Variants in ATE1 observed in about 807,000 individuals in gnomAD.
ATE1 encodes the protein arginyltransferase 1.
ATE1 carries 36 observed loss-of-function variants against 70.5 expected under a neutral mutation model. The observed-to-expected ratio is 0.51, with a 90% CI of 0.39 to 0.67. The LOEUF (loss-of-function observed/expected upper bound fraction) is 0.67. Ranked by LOEUF, ATE1 falls within the 30% of genes least tolerant of loss-of-function variation. ATE1 has a pLI of 0.00. For missense variants in ATE1, 593 were observed against 629.5 expected (o/e 0.94, Z 0.62); for synonymous variants, 232 against 219.3 (o/e 1.06, Z -0.51).
At chr10:121,853,993 G>T (rs1487694356) in intron 8 of ATE1, among the ~76,000 whole-genome samples, 1 of 152,074 alleles carries the variant, frequency 6.6e-6, no homozygotes, top group Admixed American at 6.6e-5. Flanking sequence ...TTTCCAAAAG[G>T]CCTCACCTCT....
At chr10:121,915,008 C>G (rs1951588593) in intron 3 of ATE1, among the ~76,000 whole-genome samples, 1 of 152,190 alleles carries the variant, frequency 6.6e-6, no homozygotes. Context: ...CCAAACCCAT[C>G]AGGTACACGG....
intron 7 of ATE1, among the ~76,000 whole-genome samples, chr10:121,886,569 C>A (rs973250275): frequency 6.6e-6 from 1 of 152,172 alleles, no homozygotes; most frequent in Non-Finnish European, 1.5e-5. Flanking sequence ...GCCACCTGAA[C>A]TGAAATCACT....
In ATE1 at chr10:121,902,586, T is replaced by C; in HGVS notation, c.618A>G (p.Arg206=). The C allele has an allele frequency of 1.2e-6, 2 of 1,613,520 alleles. No homozygotes were observed. Among genetic ancestry groups the C allele is most frequent in the Non-Finnish European group, 1.7e-6 (2 of 1,179,626 alleles). ...KGADLSKPPC[R]KAKEIRKERK... Reference sequence around the variant, plus strand: ...TTTCTTTCCGGATTTCCTTTGCTTTTCGACATGGAGGCTTACTCAAATCAG... The same window carrying C: ...TTTCTTTCCGGATTTCCTTTGCTTTCCGACATGGAGGCTTACTCAAATCAG... The change falls in exon 6 of 12, where the codon CGA becomes CGG. Residue 206 remains arginine (R), a synonymous_variant. Coordinates refer to ENST00000224652, the MANE Select transcript of ATE1 (RefSeq NM_001001976.3).
At chr10:121,830,697 A>C (rs1391221520) in intron 10 of ATE1, among the ~76,000 whole-genome samples, 1 of 152,212 alleles carries the variant, frequency 6.6e-6, no homozygotes, top group Non-Finnish European at 1.5e-5. Context: ...TAAAGTATTA[A>C]AATCAATATG....
chr10:121,913,786 T>C lies in ATE1; in HGVS notation c.337+4A>G. On this transcript the variant is annotated splice_donor_region_variant and intron_variant, in intron 4 of 11. Transcript: ENST00000224652. ...AAATCGTTTTTAGACCCAGCCCATC[T>C]TACCCTCACAACTTCCTTTGGGAAC... 1.2e-6 allele frequency: 2 copies of C among 1,603,070 alleles called. No homozygotes were observed. The highest frequency in any genetic ancestry group is 1.7e-6 in the Non-Finnish European group (2 of 1,171,120).
chr10:121,828,194 C>T (rs939801263), intron 10 of ATE1, among the ~76,000 whole-genome samples: 3 of 152,198 alleles, frequency 2.0e-5, no homozygotes, highest in African/African-American at 7.2e-5. Context: ...TTACATTACA[C>T]CATCAGAAAC....
intron 11 of ATE1, among the ~76,000 whole-genome samples, chr10:121,783,880 G>GA (rs200393185): frequency 6.6e-5 from 10 of 150,636 alleles, no homozygotes; most frequent in East Asian, 3.9e-4. Context: ...TTGTTTGGGG[G>GA]AAAATTTTTT....
intron 11 of ATE1, among the ~76,000 whole-genome samples, chr10:121,786,485 G>A (rs532184330): frequency 2.0e-5 from 3 of 152,010 alleles, no homozygotes; most frequent in South Asian, 2.1e-4. Context: ...CCTACGCAAC[G>A]TAGCAAAACT....
chr10:121,832,103 G>GTA, intron 10 of ATE1, among the ~76,000 whole-genome samples: 3 of 152,084 alleles, frequency 2.0e-5, no homozygotes, highest in Admixed American at 6.6e-5. Context: ...CTCAGTTTGT[G>GTA]GGATAAGTAG....
chr10:121,926,070 G>A lies in ATE1; in HGVS notation c.107-1741C>T, dbSNP rs112763565. Among the ~76,000 whole-genome samples, 798 of 152,018 alleles carry A rather than the reference G, an allele frequency of 5.2e-3. 2 individuals are homozygous for A. Among genetic ancestry groups the A allele is most frequent in the African/African-American group, 0.012 (480 of 41,460 alleles). The stretch of plus-strand genomic sequence containing the variant: ...AAAAATACAAAAAAATTAGCCGGCC[G>A]TGGTGGCGGGCACCTGTAATCACAG... On this transcript the variant is annotated intron_variant, in intron 1 of 11. Coordinates refer to ENST00000224652, the MANE Select transcript of ATE1 (RefSeq NM_001001976.3).
At chr10:121,867,318 C>T (rs2133999501) in intron 8 of ATE1, among the ~76,000 whole-genome samples, 1 of 152,286 alleles carries the variant, frequency 6.6e-6, no homozygotes, top group Non-Finnish European at 1.5e-5. Flanking sequence ...TAAATTGCTA[C>T]TTGCCCCAGT....
At position 121,899,919 on chromosome 10, in the gene ATE1, G is replaced by A. The variant is rs750922363; in HGVS notation, c.889C>T (p.Arg297Cys). 5 of 1,613,776 alleles carry A rather than the reference G, an allele frequency of 3.1e-6. No individual in the cohort carries two copies. Among genetic ancestry groups the A allele is most frequent in the South Asian group, 2.2e-5 (2 of 91,064 alleles). Residue 297 changes from arginine (R) to cysteine (C), a missense_variant, in exon 7 of 12, where the codon CGT becomes TGT. Physicochemically the swap from Arg to Cys is radical, Grantham distance 180. Transcript: ENST00000224652. ...TTCTTGTGAATAACCATCTGGTAAC[G>A]TTTATAGACCTGGTAAGACTCCAGA... ...TLLESYQVYK[R>C]YQMVIHKNPP...
chr10:121,823,480 G>A (rs1293836529), intron 10 of ATE1, among the ~76,000 whole-genome samples: 4 of 152,156 alleles, frequency 2.6e-5, no homozygotes, highest in African/African-American at 4.8e-5. Context: ...ACTTCTACAC[G>A]CAGGGGCAAG....
At chr10:121,790,414 G>A in intron 10 of ATE1, 125 bp from the exon 11 acceptor site, 1 of 1,235,584 alleles carries the variant, frequency 8.1e-7, no homozygotes, top group Non-Finnish European at 1.1e-6. Flanking sequence ...CTGTTTTACT[G>A]TAAATACTAA....
At chr10:121,833,556 A>C (rs1407323232) in intron 10 of ATE1, among the ~76,000 whole-genome samples, 2 of 150,026 alleles carry the variant, frequency 1.3e-5, no homozygotes, top group East Asian at 4.1e-4. Context: ...GATGAAATCT[A>C]GTCTTAAGAG....
chr10:121,868,734 T>C (rs898366793), intron 8 of ATE1, among the ~76,000 whole-genome samples: 2 of 152,110 alleles, frequency 1.3e-5, no homozygotes, highest in South Asian at 2.1e-4. Context: ...CTTTCCACTA[T>C]ACCACTCTGC....
chr10:121,759,327 A>G (rs907824073), intron 11 of ATE1, among the ~76,000 whole-genome samples: 3 of 152,198 alleles, frequency 2.0e-5, no homozygotes, highest in Admixed American at 6.5e-5. Context: ...ACTCTCTTCA[A>G]TTCTCTAAAG....
intron 7 of ATE1, among the ~76,000 whole-genome samples, chr10:121,879,951 G>A (rs1034530390): frequency 2.6e-5 from 4 of 152,092 alleles, no homozygotes; most frequent in Non-Finnish European, 5.9e-5. Flanking sequence ...CACTAGGCTA[G>A]GCAAAATCTT....
intron 10 of ATE1, among the ~76,000 whole-genome samples, chr10:121,808,870 A>G (rs1365984466): frequency 6.6e-6 from 1 of 152,226 alleles, no homozygotes; most frequent in Non-Finnish European, 1.5e-5. Flanking sequence ...GTTATTCCCA[A>G]TGTGAAATCC....
Sources: allele counts gnomAD v4.1 joint callset (sites outside exome capture counted in the v4.1 genomes callset), GRCh38; gene constraint gnomAD v4.1.1; transcripts MANE v1.5; gene names NCBI Gene and HGNC (gene_info 2026-07-23, HGNC 2026-07-21).